MYOZ2: variants seen among roughly 807,000 people sequenced by gnomAD.
MYOZ2 encodes the protein myozenin 2.
Under a neutral mutation model 25.4 loss-of-function variants are expected in MYOZ2, and 19 were observed. That is an observed-to-expected ratio of 0.75 (90% CI 0.52 to 1.10). The LOEUF is 1.10. Among genes scored for constraint, MYOZ2 ranks in the 50% least tolerant of loss-of-function variants. The pLI, the probability that MYOZ2 is intolerant of heterozygous loss-of-function variation, is 0.00. For synonymous variants in MYOZ2, 92 were observed against 106.9 expected (o/e 0.86, Z 0.86); for missense variants, 270 against 317.9 (o/e 0.85, Z 1.15).
chr4:119,178,146 C>A (rs1333362777), intron 5 of MYOZ2, among the ~76,000 whole-genome samples: 1 of 152,152 alleles, frequency 6.6e-6, no homozygotes, highest in Non-Finnish European at 1.5e-5. Context: ...ATTCCCCCTT[C>A]CAAGAAATAA....
At chr4:119,165,689 A>G (rs916907904) in intron 5 of MYOZ2, among the ~76,000 whole-genome samples, 1 of 142,308 alleles carries the variant, frequency 7.0e-6, no homozygotes, top group Non-Finnish European at 1.6e-5. Context: ...GATCAATGTT[A>G]TAATTTTTTT....
chr4:119,144,473 T>C (rs1741243107), intron 2 of MYOZ2, among the ~76,000 whole-genome samples: 1 of 152,226 alleles, frequency 6.6e-6, no homozygotes, highest in African/African-American at 2.4e-5. Context: ...GGGATAAATG[T>C]CCAGTATTGC....
At chr4:119,167,961 G>A (rs570615211) in intron 5 of MYOZ2, among the ~76,000 whole-genome samples, 1 of 151,312 alleles carries the variant, frequency 6.6e-6, no homozygotes, top group East Asian at 1.9e-4. Context: ...CAATGTACAC[G>A]GAGATTAATG....
chr4:119,176,165 T>C (rs1742068323), intron 5 of MYOZ2, among the ~76,000 whole-genome samples: 1 of 152,336 alleles, frequency 6.6e-6, no homozygotes, highest in South Asian at 2.1e-4. Flanking sequence ...GCATTGTATC[T>C]AGACATGCTA....
chr4:119,172,883 T>G (rs1257250580), intron 5 of MYOZ2, among the ~76,000 whole-genome samples: 1 of 152,234 alleles, frequency 6.6e-6, no homozygotes, highest in Non-Finnish European at 1.5e-5. Context: ...TATAATTTTC[T>G]CAGTTATAAT....
intron 5 of MYOZ2, among the ~76,000 whole-genome samples, chr4:119,176,316 G>T (rs1742071004): frequency 6.6e-6 from 1 of 151,950 alleles, no homozygotes; most frequent in African/African-American, 2.4e-5. Flanking sequence ...CACCTCCCCA[G>T]TTCAAACGAT....
chr4:119,148,340 A>G (rs1371182855), intron 2 of MYOZ2, among the ~76,000 whole-genome samples: 1 of 151,996 alleles, frequency 6.6e-6, no homozygotes, highest in Non-Finnish European at 1.5e-5. Flanking sequence ...CAGGTTTATT[A>G]TGTTTAGGGT....
intron 5 of MYOZ2, among the ~76,000 whole-genome samples, chr4:119,173,647 G>T (rs1017392813): frequency 1.3e-5 from 2 of 152,190 alleles, no homozygotes; most frequent in African/African-American, 4.8e-5. Flanking sequence ...GCTCGCTCTC[G>T]GCACCTCCTC....
intron 4 of MYOZ2, among the ~76,000 whole-genome samples, chr4:119,160,495 GAGAT>G (rs1036992261): frequency 7.2e-5 from 11 of 152,120 alleles, no homozygotes; most frequent in South Asian, 2.1e-4. Context: ...TAGACATAGA[GAGAT>G]AGAGCAGATG....
intron 2 of MYOZ2, 39 bp downstream of exon 2, chr4:119,136,640 G>A (rs778642598): frequency 6.4e-7 from 1 of 1,562,686 alleles, no homozygotes; most frequent in South Asian, 1.1e-5. Flanking sequence ...ATATAGCACA[G>A]CATGAATGTG....
intron 3 of MYOZ2, among the ~76,000 whole-genome samples, chr4:119,153,720 C>T (rs1193353183): frequency 6.6e-6 from 1 of 151,978 alleles, no homozygotes; most frequent in African/African-American, 2.4e-5. Context: ...CAAATACTAC[C>T]ATTTTAAAAA....
intron 2 of MYOZ2, among the ~76,000 whole-genome samples, chr4:119,150,622 T>C (rs371805879): frequency 3.3e-5 from 5 of 152,042 alleles, no homozygotes; most frequent in Non-Finnish European, 7.4e-5. Flanking sequence ...TAATTCACAC[T>C]ATGTGCCAGG....
At chr4:119,162,837 A>G (rs1741741184) in intron 4 of MYOZ2, among the ~76,000 whole-genome samples, 1 of 152,220 alleles carries the variant, frequency 6.6e-6, no homozygotes, top group Non-Finnish European at 1.5e-5. Context: ...GAGTAAAGTG[A>G]TAACATTTGC....
intron 4 of MYOZ2, among the ~76,000 whole-genome samples, chr4:119,159,022 T>A (rs372414688): frequency 9.1e-4 from 138 of 152,330 alleles, no homozygotes; most frequent in African/African-American, 3.2e-3. Flanking sequence ...TTTATCCTGA[T>A]GTGGTTATTG....
At chr4:119,176,959 GCTAT>G (rs1301080393) in intron 5 of MYOZ2, among the ~76,000 whole-genome samples, 1 of 152,172 alleles carries the variant, frequency 6.6e-6, no homozygotes, top group African/African-American at 2.4e-5. Flanking sequence ...AGCCAGTGCT[GCTAT>G]CTGTGACCAC....
intron 3 of MYOZ2, among the ~76,000 whole-genome samples, chr4:119,151,668 G>A (rs1741452625): frequency 6.6e-6 from 1 of 152,138 alleles, no homozygotes; most frequent in Non-Finnish European, 1.5e-5. Context: ...CATTTAAAGA[G>A]ACTGTAGAGG....
intron 3 of MYOZ2, 56 bp from the exon 4 acceptor site, chr4:119,157,966 A>G (rs1741618389): frequency 6.3e-7 from 1 of 1,597,866 alleles, no homozygotes; most frequent in Admixed American, 1.7e-5. Flanking sequence ...TATAGCTCCT[A>G]TTATTGTGCT....
intron 2 of MYOZ2, among the ~76,000 whole-genome samples, chr4:119,149,713 G>A (rs1438232283): frequency 6.6e-6 from 1 of 152,058 alleles, no homozygotes; most frequent in Non-Finnish European, 1.5e-5. Context: ...AACATGTGAG[G>A]TTGTATTTAA....
chr4:119,148,008 T>G (rs1418598156), intron 2 of MYOZ2, among the ~76,000 whole-genome samples: 3 of 152,152 alleles, frequency 2.0e-5, no homozygotes, highest in Non-Finnish European at 4.4e-5. Context: ...AAACTTCATT[T>G]AGTCATTCTT....
Sources: allele counts gnomAD v4.1 joint callset (sites outside exome capture counted in the v4.1 genomes callset), GRCh38; gene constraint gnomAD v4.1.1; transcripts MANE v1.5; gene names NCBI Gene and HGNC (gene_info 2026-07-23, HGNC 2026-07-21).